Variants in TMEM87B observed in about 807,000 individuals in gnomAD.
TMEM87B encodes transmembrane protein 87B.
TMEM87B carries 83 observed loss-of-function variants against 80.3 expected under a neutral mutation model. The ratio of observed to expected loss-of-function variants is 1.03; its 90% confidence interval spans 0.87 to 1.24. The LOEUF (loss-of-function observed/expected upper bound fraction) is 1.24, where lower values mean the gene tolerates loss of function less well. Ranked by LOEUF, TMEM87B falls within the 50% of genes most tolerant of loss-of-function variation. TMEM87B has a pLI of 0.00. For missense variants in TMEM87B, 625 were observed against 674.4 expected (o/e 0.93, Z 0.81); for synonymous variants, 219 against 230.5 (o/e 0.95, Z 0.45).
In TMEM87B at chr2:112,055,359, T is replaced by C; in HGVS notation, c.-233T>C. On this transcript the variant is annotated 5_prime_UTR_variant, in exon 1 of 19. Coordinates refer to ENST00000283206, the MANE Select transcript of TMEM87B (RefSeq NM_032824.3). The stretch of plus-strand genomic sequence containing the variant: ...CTCCTATCTCTGCCTTCCAGGCATC[T>C]CCCAGCTGCACGCTCGGGCCCGGCT... The C allele has an allele frequency of 1.9e-6, 1 of 518,202 alleles. No individual in the cohort carries two copies. Among genetic ancestry groups the C allele is most frequent in the Non-Finnish European group, 3.3e-6 (1 of 299,912 alleles). 32.1% of individuals were successfully genotyped at this position (518,202 alleles called of 1,614,324 possible).
At chr2:112,057,284 G>T in intron 1 of TMEM87B, among the ~76,000 whole-genome samples, 1 of 152,172 alleles carries the variant, frequency 6.6e-6, no homozygotes, top group African/African-American at 2.4e-5. Context: ...CTTTGTTTTT[G>T]TTTGTTTGAG....
intron 14 of TMEM87B, among the ~76,000 whole-genome samples, chr2:112,099,308 G>C (rs1679561361): frequency 2.0e-5 from 3 of 151,994 alleles, no homozygotes; most frequent in Admixed American, 2.0e-4. Flanking sequence ...AAAACTTTTT[G>C]AGCACGGACA....
At chr2:112,057,911 T>A (rs1678130328) in intron 1 of TMEM87B, among the ~76,000 whole-genome samples, 1 of 151,582 alleles carries the variant, frequency 6.6e-6, no homozygotes, top group African/African-American at 2.4e-5. Context: ...CACTGCAACT[T>A]CCACCTCCCG....
intron 15 of TMEM87B, among the ~76,000 whole-genome samples, chr2:112,104,274 T>C (rs1679706972): frequency 1.3e-5 from 2 of 152,022 alleles, no homozygotes; most frequent in Non-Finnish European, 1.5e-5. Context: ...TTTAAGAAAA[T>C]AAGAAGGCTA....
chr2:112,074,413 G>T (rs945338722), intron 4 of TMEM87B, among the ~76,000 whole-genome samples: 11 of 152,156 alleles, frequency 7.2e-5, no homozygotes, highest in African/African-American at 2.7e-4. Flanking sequence ...TCCTTGTAGG[G>T]TTTCTGTGGA....
intron 17 of TMEM87B, among the ~76,000 whole-genome samples, chr2:112,112,308 C>G (rs1679942932): frequency 6.6e-6 from 1 of 152,206 alleles, no homozygotes; most frequent in South Asian, 2.1e-4. Context: ...TATAACACTT[C>G]TCTCTGGTAC....
At chr2:112,059,803 A>T (rs1028063567) in intron 1 of TMEM87B, among the ~76,000 whole-genome samples, 174 bp from the exon 2 acceptor site, 8 of 152,210 alleles carry the variant, frequency 5.3e-5, no homozygotes, top group Admixed American at 3.3e-4. Context: ...TAACTGCAGG[A>T]AGTAGAACCA....
chr2:112,055,322 T>G lies in TMEM87B; in HGVS notation c.-270T>G, dbSNP rs1451276343. On this transcript the variant is annotated 5_prime_UTR_variant, in exon 1 of 19. Coordinates refer to ENST00000283206, the MANE Select transcript of TMEM87B (RefSeq NM_032824.3). ...CCAGCCTCCACGTCTCGCCGCCAAC[T>G]CCACATCCTGGCTCCTATCTCTGCC... 1.0e-5 allele frequency: 5 copies of G among 482,598 alleles called. No homozygotes were observed. In the East Asian group the frequency reaches 1.8e-4, roughly 18 times the overall value. 29.9% of individuals were successfully genotyped at this position (482,598 alleles called of 1,614,324 possible).
chr2:112,087,227 T>C (rs955279038), intron 9 of TMEM87B, among the ~76,000 whole-genome samples: 1 of 152,108 alleles, frequency 6.6e-6, no homozygotes, highest in African/African-American at 2.4e-5. Context: ...TCCTTCTGCC[T>C]CAGGCTCCCA....
chr2:112,112,755 C>T (rs1288260623), intron 17 of TMEM87B, 144 bp from the exon 18 acceptor site: 17 of 723,804 alleles, frequency 2.3e-5, no homozygotes, highest in African/African-American at 1.1e-4. Flanking sequence ...TGTCTGTCTG[C>T]GAGCCTAGAT....
At chr2:112,106,114 T>A (rs1362768110) in intron 16 of TMEM87B, 39 bp downstream of exon 16, 15 of 1,345,580 alleles carry the variant, frequency 1.1e-5, no homozygotes, top group Non-Finnish European at 1.4e-5. Flanking sequence ...TTAGTCTTCC[T>A]TAGTCTTCAC....
intron 2 of TMEM87B, 72 bp from the exon 3 acceptor site, chr2:112,064,090 T>C: frequency 4.5e-6 from 6 of 1,321,504 alleles, no homozygotes; most frequent in Non-Finnish European, 4.2e-6. Flanking sequence ...TTAATTGCAT[T>C]CTCAAAACCT....
chr2:112,057,219 A>G (rs1678102332), intron 1 of TMEM87B, among the ~76,000 whole-genome samples: 1 of 152,224 alleles, frequency 6.6e-6, no homozygotes, highest in Non-Finnish European at 1.5e-5. Context: ...GAAACAGGAA[A>G]GGAGAGTGGG....
chr2:112,063,909 T>C (rs567788781), intron 2 of TMEM87B, among the ~76,000 whole-genome samples: 23 of 152,348 alleles, frequency 1.5e-4, no homozygotes, highest in African/African-American at 5.3e-4. Context: ...TGACTTAGCA[T>C]ATCAGGCCAC....
intron 11 of TMEM87B, chr2:112,095,423 G>C: frequency 1.0e-6 from 1 of 983,146 alleles, no homozygotes; most frequent in Admixed American, 6.2e-5. Context: ...ACAGTGTCTT[G>C]GTAAGTGGAG....
intron 5 of TMEM87B, among the ~76,000 whole-genome samples, chr2:112,075,741 A>G (rs921549741): frequency 6.6e-5 from 10 of 152,180 alleles, no homozygotes; most frequent in African/African-American, 2.4e-4. Context: ...GTTTGCTTTT[A>G]TACTATGACT....
At chr2:112,095,464 C>A (rs531421232) in intron 11 of TMEM87B, 1 of 976,880 alleles carries the variant, frequency 1.0e-6, no homozygotes, top group East Asian at 1.1e-4. Flanking sequence ...ACTTTTTATT[C>A]CTTAGCTTAA....
chr2:112,091,580 G>A (rs1679301874), intron 10 of TMEM87B, 132 bp from the exon 11 acceptor site: 1 of 666,908 alleles, frequency 1.5e-6, no homozygotes, highest in African/African-American at 1.8e-5. Flanking sequence ...AATCCTCTTA[G>A]GAAATTAAAT....
rs931837099 is a variant in TMEM87B, at chr2:112,117,379, T to C, written c.*1236T>C. The stretch of plus-strand genomic sequence containing the variant: ...CAGAGAATTTTGATTAAGAAAACAT[T>C]AAAATCTTAACCGGCACAAACACTC... On this transcript the variant is annotated 3_prime_UTR_variant, in exon 19 of 19. Transcript: ENST00000283206. The C allele has an allele frequency of 9.9e-5, 15 of 152,208 alleles. No individual in the cohort carries two copies. Among genetic ancestry groups the C allele is most frequent in the Admixed American group, 8.5e-4 (13 of 15,276 alleles). The allele number at this position is 152,208 out of a possible 1,614,324, so 9.4% of individuals were successfully genotyped here.
Sources: allele counts gnomAD v4.1 joint callset (sites outside exome capture counted in the v4.1 genomes callset), GRCh38; gene constraint gnomAD v4.1.1; transcripts MANE v1.5; gene names NCBI Gene and HGNC (gene_info 2026-07-23, HGNC 2026-07-21).